The following TBC1D8B variants were observed in gnomAD, a reference collection of about 807,000 sequenced individuals.
TBC1D8B encodes the protein RP11-321G1.1.
TBC1D8B carries 75 observed loss-of-function variants against 82.9 expected under a neutral mutation model. The observed-to-expected ratio is 0.90, with a 90% CI of 0.75 to 1.10. The LOEUF (loss-of-function observed/expected upper bound fraction) is 1.10. TBC1D8B is among the 50% of genes least tolerant of loss of function. The pLI, the probability that TBC1D8B is intolerant of heterozygous loss-of-function variation, is 0.00. For missense variants in TBC1D8B, 794 were observed against 796.9 expected, an observed-to-expected ratio of 1.00 and a Z score of 0.04; for synonymous variants, 276 against 276.8, an observed-to-expected ratio of 1.00 and a Z score of 0.03.
Position 106,820,918 on chromosome X carries a change from G to A in TBC1D8B, c.283G>A (p.Glu95Lys). The A allele has an allele frequency of 7.6e-6, 9 of 1,189,452 alleles. No homozygotes were observed. The highest frequency in any genetic ancestry group is 1.0e-5 in the Non-Finnish European group (9 of 884,933). Residue 95 changes from glutamate to lysine, a missense_variant, in exon 3 of 21, where the codon GAA becomes AAA. Transcript: ENST00000357242. ...AATAACCAAGCATTGGGATTGGTTG[G>A]AACAAAATATTATGAAGACCTTATC... ...EEITKHWDWL[E>K]QNIMKTLSVF... is the part of the protein sequence containing the mutation.
In TBC1D8B at chrX:106,875,881, C is replaced by T. The variant is rs897074345; in HGVS notation, c.*1916C>T. On this transcript the variant is annotated 3_prime_UTR_variant, in exon 21 of 21. Transcript: ENST00000357242. ...AGGCTAGATTAATTAAAATTGAATACTGAAAGAGATTTTTTGAGTTGCAAA... is the reference window on the plus strand; with the variant it reads ...AGGCTAGATTAATTAAAATTGAATATTGAAAGAGATTTTTTGAGTTGCAAA... The T allele has an allele frequency of 8.9e-6, 1 of 112,141 alleles. No homozygotes were observed. Among genetic ancestry groups the T allele is most frequent in the Non-Finnish European group, 1.9e-5 (1 of 53,176 alleles). The allele number at this position is 112,141 out of a possible 1,213,427, so 9.2% of individuals were successfully genotyped here.
intron 1 of TBC1D8B, among the ~76,000 whole-genome samples, chrX:106,809,192 T>G (rs1004137182): frequency 9.0e-6 from 1 of 111,683 alleles, no homozygotes; most frequent in Non-Finnish European, 1.9e-5. Flanking sequence ...CGAGTGCCTT[T>G]TAAAAAACAA....
In TBC1D8B at chrX:106,839,354, T is replaced by G. The variant is rs111863866; in HGVS notation, c.1250T>G (p.Val417Gly). 504 of 1,185,729 alleles carry G rather than the reference T, an allele frequency of 4.3e-4. 7 individuals carry two copies. The African/African-American group carries it at 5.7e-3, about 13-fold the overall frequency. The change falls in exon 8 of 21, where the codon GTG (valine) becomes GGG (glycine). Residue 417 changes from valine (V) to glycine (G), a missense_variant. Coordinates refer to ENST00000357242, the MANE Select transcript of TBC1D8B (RefSeq NM_017752.3). ...ACAGAGCCATCTGATAATTTTGAGG[T>G]GCAATCTTTGACAAGTCAGAGGGAA... is the stretch of plus-strand genomic sequence containing the variant. ...ESTEPSDNFE[V>G]QSLTSQRECS...
chrX:106,819,877 T>C (rs945283141), intron 2 of TBC1D8B, among the ~76,000 whole-genome samples: 2 of 111,049 alleles, frequency 1.8e-5, no homozygotes, highest in African/African-American at 3.3e-5. Context: ...GCAGAAATAG[T>C]GTAGTTACCT....
chrX:106,848,898 T>C (rs1406929435), intron 11 of TBC1D8B, among the ~76,000 whole-genome samples: 3 of 108,862 alleles, frequency 2.8e-5, no homozygotes, highest in Admixed American at 9.9e-5. Context: ...GCCTCCCGAG[T>C]AGCTGGGACT....
chrX:106,853,399 A>C (rs893900109), intron 12 of TBC1D8B, 122 bp from the exon 13 acceptor site: 3 of 638,421 alleles, frequency 4.7e-6, no homozygotes, highest in African/African-American at 4.4e-5. Flanking sequence ...TCTTCATAAG[A>C]CCTTCCCTTG....
chrX:106,870,689 T>A (rs1932842604), intron 19 of TBC1D8B, 27 bp from the exon 20 acceptor site: 1 of 1,038,563 alleles, frequency 9.6e-7, no homozygotes, highest in Non-Finnish European at 1.3e-6. Context: ...CTGTTCCTTA[T>A]GAAATGGTTT....
intron 19 of TBC1D8B, 76 bp downstream of exon 19, chrX:106,869,617 A>G: frequency 1.2e-6 from 1 of 837,684 alleles, no homozygotes; most frequent in South Asian, 2.9e-5. Context: ...AAAGGGGGAA[A>G]AGGTGGATTC....
intron 1 of TBC1D8B, chrX:106,818,276 G>A (rs1222151854): frequency 8.7e-6 from 1 of 115,451 alleles, no homozygotes; most frequent in Non-Finnish European, 1.8e-5. Flanking sequence ...GAAAGGGTAA[G>A]TACTTTAACT....
At position 106,854,195 on chromosome X, in the gene TBC1D8B, C is replaced by T; in HGVS notation, c.2254-3C>T. The T allele has an allele frequency of 8.8e-7, 1 of 1,133,087 alleles. No homozygotes were observed. The highest frequency in any genetic ancestry group is 1.2e-6 in the Non-Finnish European group (1 of 850,551). The allele number at this position is 1,133,087 out of a possible 1,213,427, so 93.4% of individuals were successfully genotyped here. ...GTAGCCACTGAAATCATATCTCTTG[C>T]AGAAATATGGTAATATTCGCTATGA... On this transcript the variant is annotated splice_region_variant and splice_polypyrimidine_tract_variant and intron_variant, in intron 13 of 20. Transcript: ENST00000357242.
chrX:106,851,901 A>G (rs1030686055), intron 12 of TBC1D8B, among the ~76,000 whole-genome samples: 1 of 111,464 alleles, frequency 9.0e-6, no homozygotes, highest in African/African-American at 3.3e-5. Flanking sequence ...TTATAGCAGC[A>G]TGATTTATAA....
chrX:106,849,479 G>A, intron 11 of TBC1D8B: 1 of 1,022,581 alleles, frequency 9.8e-7, no homozygotes, highest in Non-Finnish European at 1.2e-6. Context: ...AAAGCAGAGG[G>A]TAACCAATTA....
At chrX:106,869,638 C>A in intron 19 of TBC1D8B, 97 bp downstream of exon 19, 1 of 558,938 alleles carries the variant, frequency 1.8e-6, no homozygotes, top group South Asian at 4.7e-5. Context: ...CTTTTAAAGG[C>A]TATTGATGTC....
chrX:106,817,843 C>T (rs1391291357), intron 1 of TBC1D8B, among the ~76,000 whole-genome samples: 2 of 110,815 alleles, frequency 1.8e-5, no homozygotes, highest in Non-Finnish European at 3.8e-5. Flanking sequence ...AGAAGACTTT[C>T]ATTAGGATTT....
rs981130232 is a variant in TBC1D8B at position 106,827,445 on chromosome X, T to G, written c.1203+108T>G. ...TACCTTTCCTATTTATGCCCAGGGG[T>G]TTTTTTTAAAGATAGAATCTAAGAA... On this transcript the variant is annotated intron_variant, in intron 7 of 20. Coordinates refer to ENST00000357242, the MANE Select transcript of TBC1D8B (RefSeq NM_017752.3). The G allele has an allele frequency of 4.7e-6, 4 of 849,455 alleles. No homozygotes were observed. The African/African-American group carries it at 6.2e-5, about 13-fold the overall frequency. The allele number at this position is 849,455 out of a possible 1,213,427, so 70.0% of individuals were successfully genotyped here. A position where few individuals can be genotyped will look rare whatever the true frequency, so the allele number is the denominator to read the frequency against.
intron 20 of TBC1D8B, among the ~76,000 whole-genome samples, chrX:106,871,135 C>T (rs776496916): frequency 4.5e-5 from 5 of 111,376 alleles, no homozygotes; most frequent in African/African-American, 1.6e-4. Flanking sequence ...ATACCAGATA[C>T]CAAACCCAAT....
At chrX:106,863,142 A>T (rs1383112897) in intron 14 of TBC1D8B, among the ~76,000 whole-genome samples, 1 of 112,173 alleles carries the variant, frequency 8.9e-6, no homozygotes, top group Non-Finnish European at 1.9e-5. Flanking sequence ...GCATTGGCTC[A>T]GGCTGGGTGC....
chrX:106,831,294 T>C (rs1275060608), intron 7 of TBC1D8B, among the ~76,000 whole-genome samples: 1 of 111,823 alleles, frequency 8.9e-6, no homozygotes, highest in African/African-American at 3.2e-5. Flanking sequence ...ATTTTCCCTT[T>C]GATAATTAAA....
chrX:106,823,609 G>A (rs1931759719), intron 5 of TBC1D8B, 143 bp downstream of exon 5: 4 of 595,012 alleles, frequency 6.7e-6, no homozygotes, highest in Non-Finnish European at 9.9e-6. Flanking sequence ...TGTGTGTTTT[G>A]TGAGTTTATT....
Sources: allele counts gnomAD v4.1 joint callset (sites outside exome capture counted in the v4.1 genomes callset), GRCh38; gene constraint gnomAD v4.1.1; transcripts MANE v1.5; gene names NCBI Gene and HGNC (gene_info 2026-07-23, HGNC 2026-07-21).